The following SBF1 variants were observed in gnomAD, a reference collection of about 807,000 sequenced individuals.
SBF1 encodes myotubularin-related protein 5.
Under a neutral mutation model 215.8 loss-of-function variants are expected in SBF1, and 65 were observed. The observed-to-expected ratio is 0.30, with a 90% confidence interval of 0.25 to 0.37. SBF1 has a LOEUF of 0.37. SBF1 is among the 10% of genes least tolerant of loss of function. SBF1 has a pLI of 1.00. For synonymous variants in SBF1, 1,410 were observed against 1,122.8 expected (o/e 1.26, Z -5.11); for missense variants, 2,634 against 2,667.8 (o/e 0.99, Z 0.28).
chr22:50,455,822 G>A (rs1460411788), intron 31 of SBF1: 7 of 551,112 alleles, frequency 1.3e-5, no homozygotes, highest in African/African-American at 2.5e-5. Context: ...ACTGAGGGAC[G>A]TCCCTGTCCC....
In SBF1 at chr22:50,462,926, G is replaced by T; in HGVS notation, c.1912C>A (p.Leu638Met). 6.2e-7 allele frequency: 1 copy of T among 1,613,012 alleles called. No individual in the cohort carries two copies. The highest frequency in any genetic ancestry group is 8.5e-7 in the Non-Finnish European group (1 of 1,179,830). The change falls in exon 17 of 41, where the codon CTG becomes ATG. Residue 638 changes from leucine to methionine, a missense_variant. Transcript: ENST00000380817. Reference protein sequence around the residue: ...MNCCLQDCTSLDEHGIAAALL... With the variant: ...MNCCLQDCTSMDEHGIAAALL... The stretch of plus-strand genomic sequence containing the variant: ...GCCGCCGCAATGCCATGCTCGTCCA[G>T]AGAAGTGCAGTCCTGCAGGTAGAGC...
chr22:50,457,954 GCA>G (rs2067323171), intron 28 of SBF1, among the ~76,000 whole-genome samples: 1 of 152,166 alleles, frequency 6.6e-6, no homozygotes, highest in Admixed American at 6.5e-5. Context: ...CAGTGAGGAC[GCA>G]GCACCAGCCT....
At chr22:50,463,113 C>A (rs2067591726) in intron 16 of SBF1, among the ~76,000 whole-genome samples, 170 bp downstream of exon 16, 1 of 152,156 alleles carries the variant, frequency 6.6e-6, no homozygotes, top group African/African-American at 2.4e-5. Flanking sequence ...CCAGCACCTG[C>A]CCCCAACAAT....
At chr22:50,461,068 T>G (rs1334195250) in intron 23 of SBF1, 91 bp downstream of exon 23, 10 of 1,476,106 alleles carry the variant, frequency 6.8e-6, no homozygotes, top group Non-Finnish European at 9.0e-6. Flanking sequence ...TGCTGGAGAC[T>G]GGCCTAAAAA....
intron 1 of SBF1, among the ~76,000 whole-genome samples, chr22:50,469,636 C>T (rs1470060565): frequency 6.6e-6 from 1 of 152,166 alleles, no homozygotes; most frequent in Non-Finnish European, 1.5e-5. Context: ...TCCCCAGGGC[C>T]CATCCTCTGT....
At position 50,456,320 on chromosome 22, in the gene SBF1, T is replaced by C. The variant is rs1445659586; in HGVS notation, c.4162A>G (p.Ser1388Gly). ...CATGCTTTCAGCAGCTTCTTGAAGCTAGCCTTCACCTGCCGTGCCTCGAAT... is the reference window on the plus strand; with the variant it reads ...CATGCTTTCAGCAGCTTCTTGAAGCCAGCCTTCACCTGCCGTGCCTCGAAT... ...EVFEARQVKA[S>G]FKKLLKACVP... The change falls in exon 31 of 41, where the codon AGC becomes GGC. Residue 1388 changes from serine (S) to glycine (G), a missense_variant. By Grantham distance (56) the Ser-to-Gly change is moderately conservative (BLOSUM62 0). Transcript: ENST00000380817. 26 of 1,612,962 alleles carry C rather than the reference T, an allele frequency of 1.6e-5. No homozygotes were observed. Among genetic ancestry groups the C allele is most frequent in the Non-Finnish European group, 2.0e-5 (24 of 1,180,006 alleles).
rs1444950739 is a variant in SBF1, at chr22:50,455,386, G to A, written c.4392C>T (p.Leu1464=). 6.8e-6 allele frequency: 11 copies of A among 1,612,782 alleles called. No individual in the cohort carries two copies. Among genetic ancestry groups the A allele is most frequent in the African/African-American group, 1.3e-5 (1 of 74,908 alleles). ...CCAGCGTGCGGTAGAAGGGGTCTGA[G>A]AGCAGCTGCACCAAGGATACCACCT... ...TTQVVSLVQL[L]SDPFYRTLEG... Residue 1464 remains leucine (L), a synonymous_variant, in exon 33 of 41, where the codon CTC becomes CTT. Coordinates refer to ENST00000380817, the MANE Select transcript of SBF1 (RefSeq NM_002972.4).
chr22:50,447,589 T>A lies in SBF1; in HGVS notation c.5384A>T (p.Tyr1795Phe), dbSNP rs1219869978. Residue 1795 changes from tyrosine (Y) to phenylalanine (F), a missense_variant, in exon 39 of 41, where the codon TAC becomes TTC. Tyr to Phe is a conservative substitution (Grantham distance 22). Transcript: ENST00000380817. ...AGGCTTCATGAAGGCCCCCTTCTTGTACAGAGTGCCCTCGTAGGACCTGCA... is the reference window on the plus strand; with the variant it reads ...AGGCTTCATGAAGGCCCCCTTCTTGAACAGAGTGCCCTCGTAGGACCTGCA... ...SENRSYEGTL[Y>F]KKGAFMKPWK... 3.7e-6 allele frequency: 6 copies of A among 1,611,696 alleles called. No individual in the cohort carries two copies.
At chr22:50,457,865 T>A (rs980541118) in intron 28 of SBF1, among the ~76,000 whole-genome samples, 2 of 152,158 alleles carry the variant, frequency 1.3e-5, no homozygotes, top group Admixed American at 6.5e-5. Flanking sequence ...CACCAAGTGG[T>A]CACTACAGGC....
At chr22:50,450,535 A>G (rs947879520) in intron 36 of SBF1, among the ~76,000 whole-genome samples, 3 of 151,938 alleles carry the variant, frequency 2.0e-5, no homozygotes, top group South Asian at 4.2e-4. Context: ...AAAAAAAAAC[A>G]AAACTATGAG....
intron 15 of SBF1, 52 bp from the exon 16 acceptor site, chr22:50,463,484 G>A (rs772183274): frequency 1.1e-5 from 16 of 1,491,196 alleles, no homozygotes; most frequent in South Asian, 4.0e-5. Context: ...AGACCCACTC[G>A]GGGCCCTGGC....
intron 15 of SBF1, among the ~76,000 whole-genome samples, chr22:50,463,852 T>TG (rs1479430507): frequency 6.6e-6 from 1 of 152,000 alleles, no homozygotes; most frequent in African/African-American, 2.4e-5. Context: ...ATACAGCCAA[T>TG]GAAAAACAAG....
intron 36 of SBF1, 53 bp downstream of exon 36, chr22:50,454,459 T>A: frequency 2.0e-6 from 3 of 1,484,918 alleles, no homozygotes; most frequent in Non-Finnish European, 2.8e-6. Flanking sequence ...CCCTGGTGTC[T>A]GAGCGAGAGG....
At position 50,464,346 on chromosome 22, in the gene SBF1, T is replaced by G. The variant is rs1432699199; in HGVS notation, c.1732A>C (p.Met578Leu). 1 of 1,613,692 alleles carries G rather than the reference T, an allele frequency of 6.2e-7. No homozygotes were observed. Among genetic ancestry groups the G allele is most frequent in the Admixed American group, 1.7e-5 (1 of 60,000 alleles). Residue 578 changes from methionine (M) to leucine (L), a missense_variant, in exon 15 of 41, where the codon ATG becomes CTG. Coordinates refer to ENST00000380817, the MANE Select transcript of SBF1 (RefSeq NM_002972.4). ...GCCCTCACCTTCTTGGCCTCAAGCA[T>G]TTTCCCCTCAAACACGTAGGAGATG... ...NCISYVFEGK[M>L]LEAKKLLPAV...
chr22:50,445,748 T>TGGGGTG lies in SBF1; in HGVS notation c.*1388_*1393dup, dbSNP rs2066785112. 1 of 152,224 alleles carries TGGGGTG rather than the reference T, an allele frequency of 6.6e-6. No homozygotes were observed. Among genetic ancestry groups the TGGGGTG allele is most frequent in the Non-Finnish European group, 1.5e-5 (1 of 68,068 alleles). 9.4% of individuals were successfully genotyped at this position (152,224 alleles called of 1,614,324 possible). ...CGCCCAGGTGTCCCAACACCACCTG[T>TGGGGTG]GGGGTGGGGGAGGTGGCGGGACCAT... On this transcript the variant is annotated 3_prime_UTR_variant, in exon 41 of 41. Transcript: ENST00000380817.
At chr22:50,448,757 G>A (rs569641059) in intron 36 of SBF1, 107 bp from the exon 37 acceptor site, 20 of 832,048 alleles carry the variant, frequency 2.4e-5, no homozygotes, top group East Asian at 1.8e-4. Flanking sequence ...AAGGCCTAAC[G>A]CGTGTGTGAC....
At chr22:50,458,090 G>A (rs2067330020) in intron 28 of SBF1, among the ~76,000 whole-genome samples, 1 of 152,156 alleles carries the variant, frequency 6.6e-6, no homozygotes, top group Non-Finnish European at 1.5e-5. Flanking sequence ...ACCAGGTCAG[G>A]AGATCGAGAT....
In SBF1 at chr22:50,455,425, G is replaced by A. The variant is rs776900856; in HGVS notation, c.4369-16C>T. On this transcript the variant is annotated splice_polypyrimidine_tract_variant and intron_variant, in intron 32 of 40. Transcript: ENST00000380817. ...AGGATACCACCTGCCAGCACCGCCAGGAGGTCAGCGAGGAGCCCGGGAGCC... is the reference window on the plus strand; with the variant it reads ...AGGATACCACCTGCCAGCACCGCCAAGAGGTCAGCGAGGAGCCCGGGAGCC... The A allele has an allele frequency of 3.6e-5, 58 of 1,612,150 alleles. 1 individual carries two copies. In the South Asian group the frequency reaches 6.2e-4, roughly 17 times the overall value.
chr22:50,465,694 G>T, intron 10 of SBF1, 69 bp downstream of exon 10: 1 of 1,413,930 alleles, frequency 7.1e-7, no homozygotes, highest in Non-Finnish European at 9.6e-7. Context: ...GTGTGTCAGT[G>T]GCAGCAGACC....
Sources: allele counts gnomAD v4.1 joint callset (sites outside exome capture counted in the v4.1 genomes callset), GRCh38; gene constraint gnomAD v4.1.1; transcripts MANE v1.5; gene names NCBI Gene and HGNC (gene_info 2026-07-23, HGNC 2026-07-21).